The following MPP7 variants were observed in gnomAD, a reference collection of about 807,000 sequenced individuals.
MPP7 encodes MAGUK p55 subfamily member 7.
A neutral mutation model predicts 76.5 loss-of-function variants in MPP7; 60 were observed. The ratio of observed to expected loss-of-function variants is 0.78; its 90% CI spans 0.64 to 0.97. The LOEUF is 0.97. Among genes scored for constraint, MPP7 ranks in the 50% least tolerant of loss-of-function variants. The pLI is 0.00. For missense variants in MPP7, 641 were observed against 694.0 expected, an observed-to-expected ratio of 0.92 and a Z score of 0.86; for synonymous variants, 237 against 244.5, an observed-to-expected ratio of 0.97 and a Z score of 0.29.
chr10:28,080,649 T>C (rs1248159890), intron 12 of MPP7, among the ~76,000 whole-genome samples: 7 of 152,238 alleles, frequency 4.6e-5, no homozygotes, highest in African/African-American at 7.2e-5. Flanking sequence ...TAAAACTCAG[T>C]TGAATGAACA....
chr10:28,279,921 T>G (rs1364010430), intron 1 of MPP7, among the ~76,000 whole-genome samples: 2 of 152,070 alleles, frequency 1.3e-5, no homozygotes, highest in Non-Finnish European at 2.9e-5. Context: ...TTATTATGAC[T>G]GTCATGAGCC....
chr10:28,084,087 T>C (rs1378872710), intron 12 of MPP7, among the ~76,000 whole-genome samples: 1 of 152,182 alleles, frequency 6.6e-6, no homozygotes, highest in African/African-American at 2.4e-5. Flanking sequence ...TAAAGGCTAA[T>C]AATCATAACA....
chr10:28,265,171 T>G (rs574251283), intron 1 of MPP7, among the ~76,000 whole-genome samples: 1 of 152,272 alleles, frequency 6.6e-6, no homozygotes, highest in African/African-American at 2.4e-5. Context: ...TAAAAACAGG[T>G]AGACCTGAGT....
chr10:28,118,788 G>A lies in MPP7; in HGVS notation c.952+863C>T, dbSNP rs1834737149. On this transcript the variant is annotated intron_variant, in intron 11 of 16. Coordinates refer to ENST00000683449, the MANE Select transcript of MPP7 (RefSeq NM_001318170.2). ...TGGCTCCCTTCTAATGTGATTCCTG[G>A]GCTATATGCTTCTGCAAACTGACAG... 7.1e-6 allele frequency: 7 copies of A among 985,214 alleles called. No homozygotes were observed. The South Asian group carries it at 2.3e-4, about 33-fold the overall frequency. The allele number at this position is 985,214 out of a possible 1,614,324, so 61.0% of individuals were successfully genotyped here. A position where few individuals can be genotyped will look rare whatever the true frequency, so the allele number is the denominator to read the frequency against.
At chr10:28,063,420 C>A (rs1427732839) in intron 13 of MPP7, among the ~76,000 whole-genome samples, 1 of 151,770 alleles carries the variant, frequency 6.6e-6, no homozygotes, top group African/African-American at 2.4e-5. Flanking sequence ...CAAGATCACA[C>A]CACTGCACTT....
intron 2 of MPP7, among the ~76,000 whole-genome samples, chr10:28,317,963 G>A (rs1030412833): frequency 1.3e-5 from 2 of 152,166 alleles, no homozygotes; most frequent in South Asian, 2.1e-4. Context: ...TGATGCTTAC[G>A]CCATGACTGC....
intron 1 of MPP7, among the ~76,000 whole-genome samples, chr10:28,270,133 C>T (rs1343224747): frequency 1.3e-5 from 2 of 152,098 alleles, no homozygotes; most frequent in Non-Finnish European, 2.9e-5. Context: ...TAAGATGGCG[C>T]GTTAAAAGAG....
At chr10:28,088,667 C>A (rs1282570868) in intron 12 of MPP7, among the ~76,000 whole-genome samples, 2 of 152,146 alleles carry the variant, frequency 1.3e-5, no homozygotes, top group Non-Finnish European at 2.9e-5. Flanking sequence ...CCATGCTCTT[C>A]TACTCCAAAA....
chr10:28,060,298 T>G (rs192968480), intron 13 of MPP7, among the ~76,000 whole-genome samples: 120 of 152,304 alleles, frequency 7.9e-4, no homozygotes, highest in Non-Finnish European at 1.2e-3. Context: ...CTATTGAACT[T>G]CTAACCTTTC....
chr10:28,089,942 A>T, intron 11 of MPP7, 101 bp from the exon 12 acceptor site: 1 of 683,924 alleles, frequency 1.5e-6, no homozygotes, highest in Non-Finnish European at 2.4e-6. Flanking sequence ...TATTTACCAT[A>T]ATATTGGGTT....
intron 3 of MPP7, among the ~76,000 whole-genome samples, chr10:28,189,595 A>G (rs10826416): frequency 7.6e-6 from 1 of 132,332 alleles, no homozygotes; most frequent in African/African-American, 3.0e-5. Context: ...AAAAAAAAAA[A>G]AAAACCTGTA....
chr10:28,327,901 AT>A (rs1834433734), intron 2 of MPP7, among the ~76,000 whole-genome samples: 1 of 152,238 alleles, frequency 6.6e-6, no homozygotes, highest in Admixed American at 6.5e-5. Flanking sequence ...GAGGAAATAA[AT>A]GGCATTTGAC....
chr10:28,224,077 C>T (rs1838608945), intron 2 of MPP7, among the ~76,000 whole-genome samples: 1 of 151,764 alleles, frequency 6.6e-6, no homozygotes, highest in African/African-American at 2.4e-5. Context: ...CCCAGCTACT[C>T]AGGAGGCTGA....
chr10:28,238,476 C>A, intron 2 of MPP7, 92 bp downstream of exon 2: 1 of 1,337,260 alleles, frequency 7.5e-7, no homozygotes, highest in Non-Finnish European at 1.1e-6. Flanking sequence ...CAAGCATGAT[C>A]TGCCTGCATT....
chr10:28,078,681 T>G (rs1852612052), intron 12 of MPP7, among the ~76,000 whole-genome samples: 1 of 152,194 alleles, frequency 6.6e-6, no homozygotes, highest in Non-Finnish European at 1.5e-5. Flanking sequence ...GCTGTGTGTA[T>G]CAATTTGTAT....
At chr10:28,254,005 A>G (rs917973952) in intron 1 of MPP7, among the ~76,000 whole-genome samples, 3 of 50,054 alleles carry the variant, frequency 6.0e-5, no homozygotes, top group Admixed American at 1.8e-4. Context: ...CACAAAAAAG[A>G]AAAAAAAAAA....
chr10:28,240,870 A>C (rs1245428915), intron 1 of MPP7, among the ~76,000 whole-genome samples: 1 of 152,162 alleles, frequency 6.6e-6, no homozygotes, highest in Non-Finnish European at 1.5e-5. Flanking sequence ...AAAATCAATT[A>C]AAATTTCTAA....
chr10:28,299,163 G>C (rs894219652), intron 1 of MPP7, among the ~76,000 whole-genome samples: 6 of 152,144 alleles, frequency 3.9e-5, no homozygotes, highest in African/African-American at 1.4e-4. Context: ...TCGCTTGTTT[G>C]GTGCAAGAGG....
chr10:28,058,436 A>C, intron 15 of MPP7, 59 bp downstream of exon 15: 4 of 858,068 alleles, frequency 4.7e-6, no homozygotes, highest in Non-Finnish European at 1.8e-6. Flanking sequence ...AAATGCTCAC[A>C]TGAGGTGCTG....
Sources: allele counts gnomAD v4.1 joint callset (sites outside exome capture counted in the v4.1 genomes callset), GRCh38; gene constraint gnomAD v4.1.1; transcripts MANE v1.5; gene names NCBI Gene and HGNC (gene_info 2026-07-23, HGNC 2026-07-21).